IL19: variants seen among roughly 807,000 people sequenced by gnomAD.
IL19 encodes the protein interleukin 19.
IL19 carries 15 observed loss-of-function variants against 19.5 expected under a neutral mutation model. The ratio of observed to expected loss-of-function variants is 0.77; its 90% confidence interval spans 0.52 to 1.19. The LOEUF (loss-of-function observed/expected upper bound fraction) is 1.19, where lower values mean the gene tolerates loss of function less well. Ranked by LOEUF, IL19 falls within the 50% of genes most tolerant of loss-of-function variation. The pLI, the probability that IL19 is intolerant of heterozygous loss-of-function variation, is 0.00. For synonymous variants in IL19, 78 were observed against 78.3 expected (o/e 1.00, Z 0.02); for missense variants, 199 against 213.1 (o/e 0.93, Z 0.41).
At chr1:206,809,910 T>A (rs929668236) in intron 2 of IL19, among the ~76,000 whole-genome samples, 1 of 152,208 alleles carries the variant, frequency 6.6e-6, no homozygotes, top group African/African-American at 2.4e-5. Context: ...GAATCAACCA[T>A]CCCAACCACG....
At chr1:206,831,265 C>T (rs1676602069) in intron 2 of IL19, among the ~76,000 whole-genome samples, 1 of 152,174 alleles carries the variant, frequency 6.6e-6, no homozygotes, top group African/African-American at 2.4e-5. Flanking sequence ...AAACTCAAAG[C>T]ATTCTCCATT....
At position 206,822,162 on chromosome 1, in the gene IL19, G is replaced by A. The variant is rs892837191; in HGVS notation, c.-2-14499G>A. Among the ~76,000 whole-genome samples, 5 of 152,180 alleles carry A rather than the reference G, an allele frequency of 3.3e-5. No individual in the cohort carries two copies. In the East Asian group the frequency reaches 5.8e-4, roughly 18 times the overall value. ...AAAGGGGAATTTCCAAGATGCCCTC[G>A]AGAGAATGAGCGGGGCAGGGTCCTG... On this transcript the variant is annotated intron_variant, in intron 2 of 6. Coordinates refer to ENST00000659997, the MANE Select transcript of IL19 (RefSeq NM_153758.5).
intron 1 of IL19, among the ~76,000 whole-genome samples, chr1:206,775,920 C>A (rs544341997): frequency 6.6e-6 from 1 of 152,252 alleles, no homozygotes. Context: ...CACTCTCACA[C>A]TGTGAGCTTC....
intron 2 of IL19, among the ~76,000 whole-genome samples, chr1:206,804,248 G>A (rs539059170): frequency 3.5e-4 from 54 of 152,346 alleles, no homozygotes; most frequent in African/African-American, 1.2e-3. Flanking sequence ...TGAAAGTCAT[G>A]AAGCAGAATT....
At chr1:206,819,706 G>T (rs1275502379) in intron 2 of IL19, among the ~76,000 whole-genome samples, 3 of 152,198 alleles carry the variant, frequency 2.0e-5, no homozygotes, top group African/African-American at 7.2e-5. Context: ...TGCCATTAGA[G>T]AAAGTTCTTT....
At chr1:206,789,207 C>G (rs939547112) in intron 1 of IL19, among the ~76,000 whole-genome samples, 1 of 152,182 alleles carries the variant, frequency 6.6e-6, no homozygotes, top group Non-Finnish European at 1.5e-5. Flanking sequence ...TAGTACAGTA[C>G]GAGAGATCTT....
At chr1:206,773,819 A>G (rs1378891104) in intron 1 of IL19, among the ~76,000 whole-genome samples, 4 of 152,230 alleles carry the variant, frequency 2.6e-5, no homozygotes, top group Non-Finnish European at 4.4e-5. Context: ...ACTGGGAGGA[A>G]CACTGACCTA....
At chr1:206,772,155 A>C in intron 1 of IL19, 1 of 885,260 alleles carries the variant, frequency 1.1e-6, no homozygotes, top group South Asian at 1.4e-5. Flanking sequence ...AGTTTGGGGG[A>C]ATAGGTGTTG....
At chr1:206,838,397 G>C (rs1039920275) in intron 4 of IL19, among the ~76,000 whole-genome samples, 1 of 152,190 alleles carries the variant, frequency 6.6e-6, no homozygotes, top group African/African-American at 2.4e-5. Flanking sequence ...GCATACGTGA[G>C]AGACACACAC....
intron 4 of IL19, among the ~76,000 whole-genome samples, chr1:206,837,758 G>T (rs1019510723): frequency 3.9e-5 from 6 of 152,172 alleles, no homozygotes; most frequent in Non-Finnish European, 8.8e-5. Context: ...CGGCTGAGAT[G>T]GGAGGATTGC....
At chr1:206,833,687 C>A (rs1676686795) in intron 2 of IL19, 1 of 985,410 alleles carries the variant, frequency 1.0e-6, no homozygotes, top group African/African-American at 1.7e-5. Flanking sequence ...CTGCCACTGG[C>A]TGATCTTAAA....
intron 1 of IL19, among the ~76,000 whole-genome samples, chr1:206,789,682 G>A (rs1675348098): frequency 6.6e-6 from 1 of 151,958 alleles, no homozygotes; most frequent in Non-Finnish European, 1.5e-5. Context: ...AATAACTAAT[G>A]GGTATTAAGC....
intron 1 of IL19, among the ~76,000 whole-genome samples, chr1:206,798,583 A>C (rs1675586394): frequency 6.6e-6 from 1 of 151,286 alleles, no homozygotes; most frequent in African/African-American, 2.4e-5. Flanking sequence ...CTCCCATTAT[A>C]TATGCCTCTG....
chr1:206,783,834 C>T (rs1356028137), intron 1 of IL19, among the ~76,000 whole-genome samples: 4 of 152,132 alleles, frequency 2.6e-5, no homozygotes, highest in Non-Finnish European at 4.4e-5. Context: ...CCTCCCTGTG[C>T]GGCAGTATCT....
At chr1:206,772,686 T>G (rs1426372226) in intron 1 of IL19, among the ~76,000 whole-genome samples, 1 of 152,208 alleles carries the variant, frequency 6.6e-6, no homozygotes. Context: ...AACATGAACT[T>G]CTGCATTACA....
intron 4 of IL19, among the ~76,000 whole-genome samples, chr1:206,838,435 A>G (rs893642732): frequency 2.0e-5 from 3 of 152,236 alleles, no homozygotes; most frequent in African/African-American, 4.8e-5. Context: ...TCTTCTAAGC[A>G]GTGATTTATT....
intron 6 of IL19, among the ~76,000 whole-genome samples, chr1:206,842,115 A>G (rs781359909): frequency 2.6e-5 from 4 of 152,164 alleles, no homozygotes; most frequent in Non-Finnish European, 4.4e-5. Flanking sequence ...TCAAATGAGG[A>G]CAACATGCTC....
chr1:206,834,470 G>T, intron 2 of IL19: 1 of 982,648 alleles, frequency 1.0e-6, no homozygotes, highest in Non-Finnish European at 1.2e-6. Context: ...CTTCACTGCC[G>T]CAGGGAGGTG....
intron 2 of IL19, among the ~76,000 whole-genome samples, chr1:206,812,613 C>A (rs1332470687): frequency 4.6e-5 from 7 of 152,168 alleles, no homozygotes; most frequent in Non-Finnish European, 7.3e-5. Context: ...ATGACCACTT[C>A]CCCAGCCCCT....
Sources: allele counts gnomAD v4.1 joint callset (sites outside exome capture counted in the v4.1 genomes callset), GRCh38; gene constraint gnomAD v4.1.1; transcripts MANE v1.5; gene names NCBI Gene and HGNC (gene_info 2026-07-23, HGNC 2026-07-21).